WDR7: variants seen among roughly 807,000 people sequenced by gnomAD.
The protein encoded by WDR7 is WD repeat domain 7.
A neutral mutation model predicts 169.4 loss-of-function variants in WDR7; 46 were observed. The observed-to-expected ratio is 0.27, with a 90% CI of 0.21 to 0.35. WDR7 has a LOEUF of 0.35. Among genes scored for constraint, WDR7 ranks in the 10% least tolerant of loss-of-function variants. The pLI is 1.00. For missense variants in WDR7, 1,534 were observed against 1,859.3 expected (o/e 0.83, Z 3.22); for synonymous variants, 612 against 666.8 (o/e 0.92, Z 1.27).
chr18:56,849,626 G>C (rs540714515), intron 20 of WDR7, among the ~76,000 whole-genome samples: 2 of 152,266 alleles, frequency 1.3e-5, no homozygotes, highest in South Asian at 4.1e-4. Flanking sequence ...TGTAGTCTCT[G>C]ATGTTCTTGT....
intron 20 of WDR7, among the ~76,000 whole-genome samples, chr18:56,831,347 T>C (rs1487756628): frequency 6.6e-6 from 1 of 152,028 alleles, no homozygotes; most frequent in Non-Finnish European, 1.5e-5. Context: ...GCTGAGCTGC[T>C]TTACTCATAT....
intron 21 of WDR7, among the ~76,000 whole-genome samples, chr18:56,919,690 G>T (rs1344302578): frequency 6.6e-6 from 1 of 151,872 alleles, no homozygotes; most frequent in Non-Finnish European, 1.5e-5. Flanking sequence ...CTTACCCAGA[G>T]CTACACCTAA....
intron 25 of WDR7, among the ~76,000 whole-genome samples, chr18:56,956,854 TAA>T (rs1245008845): frequency 1.3e-5 from 2 of 152,170 alleles, no homozygotes; most frequent in Admixed American, 1.3e-4. Flanking sequence ...TGGATCAGTC[TAA>T]AAAGTCACTT....
chr18:56,800,378 A>G (rs904658140), intron 19 of WDR7, among the ~76,000 whole-genome samples: 5 of 152,136 alleles, frequency 3.3e-5, no homozygotes, highest in African/African-American at 1.2e-4. Context: ...CCACTTTGTC[A>G]TGTTTCCAGG....
At chr18:56,798,785 G>A (rs2044625225) in intron 19 of WDR7, among the ~76,000 whole-genome samples, 1 of 151,998 alleles carries the variant, frequency 6.6e-6, no homozygotes, top group Non-Finnish European at 1.5e-5. Flanking sequence ...CTTTTTGATA[G>A]ATACTGAGAA....
chr18:56,767,628 T>TA (rs2145000680), intron 16 of WDR7, among the ~76,000 whole-genome samples: 1 of 152,340 alleles, frequency 6.6e-6, no homozygotes, highest in East Asian at 1.9e-4. Context: ...TGTTTCTTGT[T>TA]ACTCCATCTT....
intron 23 of WDR7, 88 bp downstream of exon 23, chr18:56,935,993 CT>C: frequency 8.2e-7 from 1 of 1,213,182 alleles, no homozygotes; most frequent in Non-Finnish European, 1.2e-6. Flanking sequence ...CACAAATCCC[CT>C]TTACAGTTTA....
At chr18:56,755,569 T>C (rs1397022133) in intron 14 of WDR7, among the ~76,000 whole-genome samples, 2 of 152,038 alleles carry the variant, frequency 1.3e-5, no homozygotes, top group African/African-American at 2.4e-5. Flanking sequence ...GGAGGTTTAG[T>C]GAGGGGTGGA....
At chr18:56,931,171 C>G (rs1374660813) in intron 22 of WDR7, among the ~76,000 whole-genome samples, 1 of 152,066 alleles carries the variant, frequency 6.6e-6, no homozygotes, top group Non-Finnish European at 1.5e-5. Flanking sequence ...TCCTGTAAAC[C>G]TGTGTAACGG....
At chr18:56,731,320 T>G (rs1481846599) in intron 13 of WDR7, 63 bp from the exon 14 acceptor site, 14 of 1,525,464 alleles carry the variant, frequency 9.2e-6, no homozygotes, top group Non-Finnish European at 1.2e-5. Context: ...CATTTTTTCT[T>G]TACTTAAACT....
chr18:56,853,489 T>C (rs1015356840), intron 20 of WDR7, among the ~76,000 whole-genome samples: 1 of 152,228 alleles, frequency 6.6e-6, no homozygotes, highest in Non-Finnish European at 1.5e-5. Flanking sequence ...CTTTGATTCA[T>C]TAAATTAAAG....
chr18:57,008,490 G>GC (rs1213355747), intron 26 of WDR7, among the ~76,000 whole-genome samples: 1 of 151,998 alleles, frequency 6.6e-6, no homozygotes, highest in Non-Finnish European at 1.5e-5. Context: ...ACCTCTCCTC[G>GC]CCCCCTGGTG....
At chr18:56,989,659 C>T (rs1350325226) in intron 26 of WDR7, among the ~76,000 whole-genome samples, 1 of 152,148 alleles carries the variant, frequency 6.6e-6, no homozygotes, top group Non-Finnish European at 1.5e-5. Flanking sequence ...AATGCCAGGA[C>T]TTTTGGTGCT....
chr18:56,799,201 G>A (rs1052092846), intron 19 of WDR7, among the ~76,000 whole-genome samples: 5 of 152,144 alleles, frequency 3.3e-5, no homozygotes, highest in African/African-American at 1.2e-4. Context: ...AGAGTATTTG[G>A]AGGTGCCAAG....
At position 56,787,409 on chromosome 18, in the gene WDR7, G is replaced by A. The variant is rs1462000033; in HGVS notation, c.3190+5753G>A. On this transcript the variant is annotated intron_variant, in intron 19 of 27. Coordinates refer to ENST00000254442, the MANE Select transcript of WDR7 (RefSeq NM_015285.3). ...TAAATCAAAATCTCTTCTAAAGAGG[G>A]TGCCGTTGTAATTTTATGCAGTTAT... is the stretch of plus-strand genomic sequence containing the variant. Among the ~76,000 whole-genome samples the A allele has an allele frequency of 2.6e-5, 4 of 152,130 alleles. No individual in the cohort carries two copies. The East Asian group carries it at 7.7e-4, about 29-fold the overall frequency.
chr18:56,682,507 G>A (rs890632236), intron 4 of WDR7, among the ~76,000 whole-genome samples, 172 bp from the exon 5 acceptor site: 7 of 152,104 alleles, frequency 4.6e-5, no homozygotes, highest in African/African-American at 1.4e-4. Context: ...TAATATATGT[G>A]TGTGCACATA....
At chr18:56,744,610 GGAATCCAGGGCCT>G in intron 14 of WDR7, among the ~76,000 whole-genome samples, 1 of 152,174 alleles carries the variant, frequency 6.6e-6, no homozygotes, top group Non-Finnish European at 1.5e-5. Context: ...ATGAAATTGT[GGAATCCAGGGCCT>G]GAATGCCCCA....
At chr18:56,912,101 A>T (rs2046560956) in intron 21 of WDR7, among the ~76,000 whole-genome samples, 1 of 152,136 alleles carries the variant, frequency 6.6e-6, no homozygotes, top group Non-Finnish European at 1.5e-5. Flanking sequence ...GTGACCAGAA[A>T]GGGTGAAGAT....
chr18:56,741,899 A>G (rs1427709790), intron 14 of WDR7, among the ~76,000 whole-genome samples: 1 of 152,202 alleles, frequency 6.6e-6, no homozygotes, highest in East Asian at 1.9e-4. Flanking sequence ...GCATAATACC[A>G]TCAAATAATG....
Sources: allele counts gnomAD v4.1 joint callset (sites outside exome capture counted in the v4.1 genomes callset), GRCh38; gene constraint gnomAD v4.1.1; transcripts MANE v1.5; gene names NCBI Gene and HGNC (gene_info 2026-07-23, HGNC 2026-07-21).